PURG: variants seen among roughly 807,000 people sequenced by gnomAD.
PURG encodes the protein purine rich element binding protein G.
A neutral mutation model predicts 24.3 loss-of-function variants in PURG; 3 were observed. That is an observed-to-expected ratio of 0.12 (90% confidence interval 0.06 to 0.32). The LOEUF is 0.32. Ranked by LOEUF, PURG falls within the 10% of genes least tolerant of loss-of-function variation. PURG has a pLI of 1.00. For synonymous variants in PURG, 180 were observed against 173.1 expected (o/e 1.04, Z -0.31); for missense variants, 371 against 439.1 (o/e 0.84, Z 1.39).
At chr8:30,999,050 A>C (rs1371992383) in intron 1 of PURG, among the ~76,000 whole-genome samples, 6 of 151,820 alleles carry the variant, frequency 4.0e-5, no homozygotes, top group Non-Finnish European at 7.4e-5. Context: ...AACAGAATGT[A>C]TGTGTATGGG....
In PURG at chr8:31,003,858, T is replaced by C. The variant is rs57445409; in HGVS notation, c.865-7161A>G. ...ATTGGTATGTGACAATGTTTTGGGA[T>C]CTCTTTGTGCTCCTGCAGCTCCTTA... On this transcript the variant is annotated intron_variant, in intron 1 of 1. Transcript: ENST00000339382. Among the ~76,000 whole-genome samples the C allele has an allele frequency of 3.0e-3, 460 of 152,292 alleles. 4 individuals are homozygous for C. The highest frequency in any genetic ancestry group is 0.01 in the African/African-American group (432 of 41,564).
chr8:31,024,176 AT>A (rs1811050105), intron 1 of PURG, among the ~76,000 whole-genome samples: 1 of 152,248 alleles, frequency 6.6e-6, no homozygotes, highest in Admixed American at 6.5e-5. Flanking sequence ...CATACATATT[AT>A]AAAACTGACA....
chr8:31,031,582 A>G lies in PURG; in HGVS notation c.*157T>C, dbSNP rs1811204033. ...AGAATTATAGTGATCTATGTGTAAC[A>G]TAACATGAGAATCAGACTTCCTGAA... On this transcript the variant is annotated 3_prime_UTR_variant, in exon 2 of 2. Coordinates refer to ENST00000523392, the MANE Select transcript of PURG (RefSeq NM_001323311.2). The G allele has an allele frequency of 1.5e-6, 1 of 683,036 alleles. No homozygotes were observed. The highest frequency in any genetic ancestry group is 2.9e-5 in the Admixed American group (1 of 34,148). The allele number at this position is 683,036 out of a possible 1,614,324, so 42.3% of individuals were successfully genotyped here. A position where few individuals can be genotyped will look rare whatever the true frequency, so the allele number is the denominator to read the frequency against.
At chr8:31,007,837 T>A (rs1585355713) in intron 1 of PURG, among the ~76,000 whole-genome samples, 1 of 152,200 alleles carries the variant, frequency 6.6e-6, no homozygotes, top group South Asian at 2.1e-4. Context: ...TCTCTTTTTT[T>A]AAAAAAAGAA....
chr8:31,024,007 A>C (rs1194457150), intron 1 of PURG, among the ~76,000 whole-genome samples: 1 of 152,246 alleles, frequency 6.6e-6, no homozygotes, highest in Admixed American at 6.5e-5. Flanking sequence ...CTTCCAAATA[A>C]TGAGATATTT....
At chr8:30,997,296 C>CA (rs1329533600) in intron 1 of PURG, among the ~76,000 whole-genome samples, 2 of 151,878 alleles carry the variant, frequency 1.3e-5, no homozygotes, top group Middle Eastern at 6.8e-3. Context: ...TATTTAGCAT[C>CA]ACAGAGAGTT....
chr8:31,021,579 T>C (rs1352484551), intron 1 of PURG, among the ~76,000 whole-genome samples: 1 of 152,196 alleles, frequency 6.6e-6, no homozygotes, highest in Non-Finnish European at 1.5e-5. Context: ...CCAAGTAAGC[T>C]GAGGCAGATG....
chr8:31,018,261 C>A (rs1179450092), intron 1 of PURG, among the ~76,000 whole-genome samples: 1 of 152,146 alleles, frequency 6.6e-6, no homozygotes. Flanking sequence ...TTATCCAAAC[C>A]AGTAAATTAA....
chr8:31,032,786 C>T lies in PURG; in HGVS notation c.-4G>A. The T allele has an allele frequency of 7.0e-7, 1 of 1,420,136 alleles. No individual in the cohort carries two copies. Among genetic ancestry groups the T allele is most frequent in the Non-Finnish European group, 9.2e-7 (1 of 1,083,296 alleles). The allele number at this position is 1,420,136 out of a possible 1,614,324, so 88.0% of individuals were successfully genotyped here. A position where few individuals can be genotyped will look rare whatever the true frequency, so the allele number is the denominator to read the frequency against. ...CCCTTCGCCTGGCTCTTTCCATCTT[C>T]AGCTGCAAGTAACAAACAGACACAC... On this transcript the variant is annotated splice_region_variant and 5_prime_UTR_variant, in exon 2 of 2. An upstream open reading frame in the 5' UTR loses its in-frame stop. Coordinates refer to ENST00000523392, the MANE Select transcript of PURG (RefSeq NM_001323311.2). This position sits in a 1 kb window ranked among gnomAD's most constrained non-coding sequence, Gnocchi z 5.9.
exon 2 of PURG, chr8:30,995,944 A>G (rs908718397): frequency 6.6e-6 from 1 of 152,056 alleles, no homozygotes; most frequent in Admixed American, 6.6e-5. Context: ...GTTAGCATCC[A>G]CAAAAGCACC....
Position 31,031,743 on chromosome 8 carries a change from T to C in PURG, c.1040A>G (p.Asp347Gly), listed in dbSNP as rs1265950224. The C allele has an allele frequency of 1.9e-5, 29 of 1,546,296 alleles. No homozygotes were observed. The highest frequency in any genetic ancestry group is 2.3e-5 in the Non-Finnish European group (26 of 1,144,574). ...KASGEEQECLD is the reference protein window; with the variant it reads ...KASGEEQECLG ...CTGATGGAGTTCAATTTCACTCTAGTCGAGGCATTCTTGTTCTTCACCACT... is the reference window on the plus strand; with the variant it reads ...CTGATGGAGTTCAATTTCACTCTAGCCGAGGCATTCTTGTTCTTCACCACT... Residue 347 changes from aspartate (D) to glycine (G), a missense_variant, in exon 2 of 2, where the codon GAC (aspartate) becomes GGC (glycine). Around this residue, in one of 5 missense-constraint regions of PURG, gnomAD observed 103 missense variants for 127.7 expected, o/e 0.81. Transcript: ENST00000523392.
chr8:30,998,513 A>G (rs912331016), intron 1 of PURG, among the ~76,000 whole-genome samples: 27 of 151,798 alleles, frequency 1.8e-4, no homozygotes, highest in African/African-American at 6.3e-4. Flanking sequence ...GTTTGATAGC[A>G]TATGGAGTTA....
chr8:30,997,618 A>T (rs1810454308), intron 1 of PURG, among the ~76,000 whole-genome samples: 2 of 151,760 alleles, frequency 1.3e-5, no homozygotes, highest in African/African-American at 4.8e-5. Flanking sequence ...AAAGATAAGT[A>T]AACTTACAGA....
chr8:30,997,966 T>C (rs932440220), intron 1 of PURG, among the ~76,000 whole-genome samples: 4 of 151,748 alleles, frequency 2.6e-5, no homozygotes, highest in Non-Finnish European at 5.9e-5. Flanking sequence ...GATGTTTTAA[T>C]GTTTTAGAAT....
chr8:31,015,571 G>C (rs980983832), intron 1 of PURG, among the ~76,000 whole-genome samples: 4 of 152,186 alleles, frequency 2.6e-5, no homozygotes, highest in African/African-American at 7.2e-5. Context: ...TGAATGTTTG[G>C]TTGTGAAATC....
Position 31,008,961 on chromosome 8 carries a change from G to T in PURG, c.865-12264C>A, listed in dbSNP as rs115793216. On this transcript the variant is annotated intron_variant, in intron 1 of 1. Coordinates refer to the PURG transcript ENST00000339382. ...CATTGCTTAAGGGGGTAGAGGAAGT[G>T]GATTAAAGTCATTGTTGTTTTCTTC... Among the ~76,000 whole-genome samples the T allele has an allele frequency of 4.2e-3, 633 of 152,234 alleles. 1 individual carries two copies. The highest frequency in any genetic ancestry group is 0.014 in the African/African-American group (600 of 41,554).
At chr8:31,012,333 T>C (rs1810778695) in intron 1 of PURG, among the ~76,000 whole-genome samples, 1 of 152,210 alleles carries the variant, frequency 6.6e-6, no homozygotes, top group Admixed American at 6.5e-5. Flanking sequence ...ATAAGTCTTA[T>C]TGATTATATA....
At chr8:31,014,256 T>G (rs1810814477) in intron 1 of PURG, among the ~76,000 whole-genome samples, 1 of 152,200 alleles carries the variant, frequency 6.6e-6, no homozygotes, top group South Asian at 2.1e-4. Flanking sequence ...TCAATCAGTT[T>G]TTGTGCTAGC....
At chr8:31,009,716 G>A (rs1428424006) in intron 1 of PURG, among the ~76,000 whole-genome samples, 1 of 152,172 alleles carries the variant, frequency 6.6e-6, no homozygotes, top group Admixed American at 6.5e-5. Flanking sequence ...GAATACTGCA[G>A]TGCTCTAGGG....
Sources: gnomAD v4.1 joint callset for allele counts (sites outside exome capture counted in the v4.1 genomes callset) on GRCh38, gnomAD v4.1.1 for gene constraint, gnomAD v4.1.1 regional missense constraint, Gnocchi (gnomAD v3.1) non-coding constraint, MANE v1.5 for transcripts, NCBI Gene and HGNC (gene_info 2026-07-23, HGNC 2026-07-21) for gene names.